Variants in CADPS2 observed in about 807,000 individuals in gnomAD.
The protein encoded by CADPS2 is calcium-dependent secretion activator 2.
In CADPS2, 93 loss-of-function variants were observed where a neutral mutation model predicts 172.5. The ratio of observed to expected loss-of-function variants is 0.54; its 90% CI spans 0.46 to 0.64. The LOEUF is 0.64. Ranked by LOEUF, CADPS2 falls within the 30% of genes least tolerant of loss-of-function variation. The pLI is 0.00. For synonymous variants in CADPS2, 546 were observed against 555.2 expected, an observed-to-expected ratio of 0.98 and a Z score of 0.23; for missense variants, 1,420 against 1,565.9, an observed-to-expected ratio of 0.91 and a Z score of 1.57.
intron 3 of CADPS2, among the ~76,000 whole-genome samples, chr7:122,656,174 T>C (rs1366734747): frequency 6.6e-6 from 1 of 152,120 alleles, no homozygotes; most frequent in African/African-American, 2.4e-5. Flanking sequence ...GCCACAATCA[T>C]AAAGAGGCTC....
chr7:122,553,361 G>C (rs2064574413), intron 8 of CADPS2, among the ~76,000 whole-genome samples: 1 of 152,084 alleles, frequency 6.6e-6, no homozygotes, highest in Non-Finnish European at 1.5e-5. Context: ...TTAAATCCCA[G>C]ATACTCCATG....
chr7:122,720,295 C>T (rs1041222796), intron 2 of CADPS2, among the ~76,000 whole-genome samples: 2 of 151,690 alleles, frequency 1.3e-5, no homozygotes, highest in Admixed American at 1.3e-4. Context: ...CAAAACATAT[C>T]CAAACAAAAT....
intron 1 of CADPS2, among the ~76,000 whole-genome samples, chr7:122,844,009 C>T (rs183370985): frequency 2.6e-4 from 40 of 152,186 alleles, no homozygotes; most frequent in Non-Finnish European, 2.8e-4. Flanking sequence ...GGATCATAGA[C>T]GAGTTAGTTA....
intron 6 of CADPS2, among the ~76,000 whole-genome samples, chr7:122,600,757 T>G (rs967669973): frequency 1.3e-5 from 2 of 152,092 alleles, no homozygotes; most frequent in African/African-American, 4.8e-5. Context: ...TACTAAAAGT[T>G]TCGTTTAATA....
chr7:122,592,306 T>C (rs1159546530), intron 6 of CADPS2, among the ~76,000 whole-genome samples: 1 of 152,114 alleles, frequency 6.6e-6, no homozygotes, highest in South Asian at 2.1e-4. Context: ...TCACACCAGT[T>C]AGAATGGCAA....
intron 1 of CADPS2, among the ~76,000 whole-genome samples, chr7:122,802,481 T>C (rs1054932770): frequency 1.2e-4 from 19 of 152,136 alleles, no homozygotes; most frequent in Non-Finnish European, 2.8e-4. Context: ...CTTCTTTATT[T>C]AAGGTAGGCA....
At chr7:122,615,140 A>C in intron 6 of CADPS2, 41 bp downstream of exon 6, 1 of 1,248,374 alleles carries the variant, frequency 8.0e-7, no homozygotes, top group Non-Finnish European at 1.1e-6. Context: ...GGATTAAAAA[A>C]ACAAACAACA....
At chr7:122,578,834 T>A (rs2068408490) in intron 7 of CADPS2, among the ~76,000 whole-genome samples, 1 of 152,030 alleles carries the variant, frequency 6.6e-6, no homozygotes, top group Admixed American at 6.6e-5. Context: ...GTGCTTTGAA[T>A]TAGGGTAGTG....
At chr7:122,393,753 T>C (rs1374203159) in intron 20 of CADPS2, among the ~76,000 whole-genome samples, 171 bp from the exon 21 acceptor site, 1 of 152,076 alleles carries the variant, frequency 6.6e-6, no homozygotes, top group Non-Finnish European at 1.5e-5. Context: ...TGGAAATTGA[T>C]CAAAAAGTAT....
chr7:122,455,213 G>C (rs2053611316), intron 14 of CADPS2, among the ~76,000 whole-genome samples: 1 of 152,036 alleles, frequency 6.6e-6, no homozygotes, highest in South Asian at 2.1e-4. Flanking sequence ...AAGTGCTGCT[G>C]CTTCTGCCTG....
chr7:122,509,200 GA>G (rs1214278793), intron 9 of CADPS2, among the ~76,000 whole-genome samples: 2 of 152,102 alleles, frequency 1.3e-5, no homozygotes, highest in African/African-American at 4.8e-5. Flanking sequence ...GAATATTTCA[GA>G]AATCAATAGG....
intron 11 of CADPS2, among the ~76,000 whole-genome samples, chr7:122,482,387 A>G (rs999341692): frequency 7.2e-5 from 11 of 152,094 alleles, no homozygotes; most frequent in African/African-American, 2.4e-4. Context: ...GGGGTGCTGT[A>G]AAACATTACA....
chr7:122,843,484 A>T (rs1811144833), intron 1 of CADPS2, among the ~76,000 whole-genome samples: 1 of 152,216 alleles, frequency 6.6e-6, no homozygotes, highest in Non-Finnish European at 1.5e-5. Context: ...TATTTGAAAC[A>T]AATAGTGAGA....
At chr7:122,332,628 T>C (rs565097781) in intron 28 of CADPS2, among the ~76,000 whole-genome samples, 2 of 152,290 alleles carry the variant, frequency 1.3e-5, no homozygotes, top group Middle Eastern at 6.8e-3. Flanking sequence ...AAAACTTTCC[T>C]ATCTTTGGCA....
At chr7:122,542,147 T>C (rs2063164352) in intron 8 of CADPS2, among the ~76,000 whole-genome samples, 1 of 151,934 alleles carries the variant, frequency 6.6e-6, no homozygotes, top group Non-Finnish European at 1.5e-5. Context: ...GTGATTGTCA[T>C]ATTCAATTTT....
chr7:122,638,276 G>A (rs770231694), intron 3 of CADPS2, among the ~76,000 whole-genome samples: 4 of 152,124 alleles, frequency 2.6e-5, no homozygotes, highest in Non-Finnish European at 5.9e-5. Flanking sequence ...CATCCTGAGA[G>A]CCCAGGGATC....
chr7:122,570,631 C>T (rs1300456146), intron 7 of CADPS2, among the ~76,000 whole-genome samples: 47 of 150,430 alleles, frequency 3.1e-4, no homozygotes, highest in Admixed American at 3.0e-3. Context: ...TTGGAACCAA[C>T]CCAAATGTCC....
At chr7:122,552,755 C>T (rs940169593) in intron 8 of CADPS2, among the ~76,000 whole-genome samples, 18 of 147,474 alleles carry the variant, frequency 1.2e-4, no homozygotes, top group South Asian at 2.2e-4. Context: ...AGGGTCATCT[C>T]GGCACTATGA....
intron 11 of CADPS2, among the ~76,000 whole-genome samples, chr7:122,486,855 G>A (rs2057863873): frequency 6.6e-6 from 1 of 152,018 alleles, no homozygotes; most frequent in Non-Finnish European, 1.5e-5. Context: ...TGATCGGTCA[G>A]CAGCCATCAA....
Sources: gnomAD v4.1 joint callset for allele counts (sites outside exome capture counted in the v4.1 genomes callset) on GRCh38, gnomAD v4.1.1 for gene constraint, MANE v1.5 for transcripts, NCBI Gene and HGNC (gene_info 2026-07-23, HGNC 2026-07-21) for gene names.